The following KIRREL2 variants were observed in gnomAD, a reference collection of about 807,000 sequenced individuals.
The protein encoded by KIRREL2 is kin of IRRE-like protein 2.
Under a neutral mutation model 73.4 loss-of-function variants are expected in KIRREL2, and 56 were observed. The observed-to-expected ratio is 0.76, with a 90% confidence interval of 0.62 to 0.95. The LOEUF (loss-of-function observed/expected upper bound fraction) is 0.95. Ranked by LOEUF, KIRREL2 falls within the 40% of genes least tolerant of loss-of-function variation. The pLI is 0.00. For missense variants in KIRREL2, 896 were observed against 935.0 expected (o/e 0.96, Z 0.54); for synonymous variants, 407 against 404.0 (o/e 1.01, Z -0.09).
chr19:35,859,201 C>T (rs1973557554), intron 4 of KIRREL2, among the ~76,000 whole-genome samples: 1 of 152,172 alleles, frequency 6.6e-6, no homozygotes, highest in African/African-American at 2.4e-5. Context: ...AGAAGAGTGA[C>T]CAATACATAG....
chr19:35,859,009 G>A (rs1216271143), intron 4 of KIRREL2, 145 bp downstream of exon 4: 2 of 917,816 alleles, frequency 2.2e-6, no homozygotes, highest in Non-Finnish European at 3.3e-6. Context: ...GCAGGGTAAA[G>A]ATTCTAGGGC....
In KIRREL2 at chr19:35,866,743, G is replaced by A; in HGVS notation, c.*251G>A. 2 of 585,372 alleles carry A rather than the reference G, an allele frequency of 3.4e-6. No homozygotes were observed. The highest frequency in any genetic ancestry group is 2.3e-5 in the South Asian group (1 of 44,294). 36.3% of individuals were successfully genotyped at this position (585,372 alleles called of 1,614,324 possible). A position where few individuals can be genotyped will look rare whatever the true frequency, so the allele number is the denominator to read the frequency against. ...GTGTAAAAGAGATTCAAGATGGCAGGTAGGCCCTTTGAGGAGAGATGGGGA... is the reference window on the plus strand; with the variant it reads ...GTGTAAAAGAGATTCAAGATGGCAGATAGGCCCTTTGAGGAGAGATGGGGA... On this transcript the variant is annotated 3_prime_UTR_variant, in exon 15 of 15. Coordinates refer to ENST00000360202, the MANE Select transcript of KIRREL2 (RefSeq NM_199180.4).
At chr19:35,864,500 T>A in intron 13 of KIRREL2, 148 bp from the exon 14 acceptor site, 1 of 591,600 alleles carries the variant, frequency 1.7e-6, no homozygotes, top group East Asian at 3.0e-5. Flanking sequence ...CTTACAGCCC[T>A]TTTATTGTCC....
chr19:35,860,043 G>A (rs1358531527), intron 5 of KIRREL2, among the ~76,000 whole-genome samples: 1 of 152,202 alleles, frequency 6.6e-6, no homozygotes, highest in Non-Finnish European at 1.5e-5. Flanking sequence ...GGAGAGGACA[G>A]ACAGCTGGGG....
In KIRREL2 at chr19:35,866,548, G is replaced by A; in HGVS notation, c.*56G>A. ...CCAACTTGCCATAATGGATTGTTCT[G>A]ATTTCTGAGGAGCCAGGACAAGTTG... On this transcript the variant is annotated 3_prime_UTR_variant, in exon 15 of 15. Transcript: ENST00000360202. The A allele has an allele frequency of 6.2e-7, 1 of 1,609,544 alleles. No individual in the cohort carries two copies. The highest frequency in any genetic ancestry group is 1.1e-5 in the South Asian group (1 of 90,384).
upstream of KIRREL2, among the ~76,000 whole-genome samples, chr19:35,854,241 C>G (rs1301680465): frequency 6.6e-6 from 1 of 152,188 alleles, no homozygotes; most frequent in Non-Finnish European, 1.5e-5. Context: ...ATCCTCCCAT[C>G]TCGGCCTCCC....
At chr19:35,861,748 CT>C in intron 10 of KIRREL2, 56 bp from the exon 11 acceptor site, 1 of 1,587,630 alleles carries the variant, frequency 6.3e-7, no homozygotes. Flanking sequence ...GACATCCCTC[CT>C]GCTTCTTCCT....
chr19:35,856,785 A>C, upstream of KIRREL2: 1 of 379,540 alleles, frequency 2.6e-6, no homozygotes. The surrounding 1 kb of genome is among the most constrained non-coding windows in gnomAD (Gnocchi z 5.9). Context: ...CCGCCGGGGG[A>C]TCCCGCCCTG....
At chr19:35,861,451 G>A in intron 9 of KIRREL2, 90 bp from the exon 10 acceptor site, 2 of 1,474,238 alleles carry the variant, frequency 1.4e-6, no homozygotes. Flanking sequence ...ATTGAGGTTA[G>A]CGGAGAGTGC....
chr19:35,858,515 C>T lies in KIRREL2; in HGVS notation c.319C>T (p.Gln107Ter). Reference sequence around the variant, plus strand: ...AGCATCATATGAATGTCAGGCTACACAAGCAGGCCTCCGCTCCAGACCAGC... The same window carrying T: ...AGCATCATATGAATGTCAGGCTACATAAGCAGGCCTCCGCTCCAGACCAGC... ...DEASYECQATQAGLRSRPAQL... is the reference protein window; with the variant it reads ...DEASYECQAT Residue 107 changes from glutamine to a stop codon, truncating the protein, a stop_gained, in exon 3 of 15, where the codon CAA (glutamine) becomes TAA (stop). Coordinates refer to ENST00000360202, the MANE Select transcript of KIRREL2 (RefSeq NM_199180.4). LOFTEE classifies it high-confidence loss of function. 6.2e-7 allele frequency: 1 copy of T among 1,614,202 alleles called. No individual in the cohort carries two copies. The highest frequency in any genetic ancestry group is 8.5e-7 in the Non-Finnish European group (1 of 1,180,034).
chr19:35,860,239 G>A, intron 5 of KIRREL2, 58 bp from the exon 6 acceptor site: 1 of 1,413,162 alleles, frequency 7.1e-7, no homozygotes, highest in South Asian at 1.2e-5. Flanking sequence ...GGACACCTAG[G>A]CCAGTGACGG....
chr19:35,858,129 CT>C (rs1461249328), intron 2 of KIRREL2, among the ~76,000 whole-genome samples: 3 of 152,144 alleles, frequency 2.0e-5, no homozygotes, highest in Non-Finnish European at 4.4e-5. Flanking sequence ...TTCCTTTCCC[CT>C]ATCATAGCCC....
At chr19:35,855,155 C>T (rs749303139), upstream of KIRREL2, among the ~76,000 whole-genome samples, 6 of 152,078 alleles carry the variant, frequency 3.9e-5, no homozygotes, top group Admixed American at 1.3e-4. Flanking sequence ...CCTCCTCCCA[C>T]CTCCCCTCTC....
Position 35,862,591 on chromosome 19 carries a change from A to T in KIRREL2, c.1609A>T (p.Ser537Cys), listed in dbSNP as rs1973753439. 6.2e-7 allele frequency: 1 copy of T among 1,605,212 alleles called. No homozygotes were observed. Among genetic ancestry groups the T allele is most frequent in the Admixed American group, 1.7e-5 (1 of 59,996 alleles). ...GGTGGCCCTCTGCTGCTGGCGCCAC[A>T]GCAAGGGTTAGTGCCTGAGCCCCGC... ...TGVALCCWRHSKASASFSEQK... is the reference protein window; with the variant it reads ...TGVALCCWRHCKASASFSEQK... Residue 537 changes from serine to cysteine, a missense_variant, in exon 12 of 15, where the codon AGC becomes TGC. Transcript: ENST00000360202.
upstream of KIRREL2, among the ~76,000 whole-genome samples, chr19:35,854,616 C>A (rs905674283): frequency 7.9e-5 from 12 of 152,218 alleles, no homozygotes; most frequent in African/African-American, 2.7e-4. Flanking sequence ...AGTCATTGTG[C>A]CCAGCTGATT....
chr19:35,859,671 C>T, intron 5 of KIRREL2, 40 bp downstream of exon 5: 1 of 1,607,654 alleles, frequency 6.2e-7, no homozygotes, highest in South Asian at 1.1e-5. Flanking sequence ...GTGTGGGGCC[C>T]TGACTCCTGG....
At chr19:35,851,640 GA>G (rs1321939270), upstream of KIRREL2, 1 of 1,613,732 alleles carries the variant, frequency 6.2e-7, no homozygotes, top group African/African-American at 1.3e-5. Context: ...AAGCCCCGGG[GA>G]ACGGAGGCAG....
Position 35,862,018 on chromosome 19 carries a change from C to A in KIRREL2, c.1504C>A (p.Arg502Ser). 2 of 1,606,866 alleles carry A rather than the reference C, an allele frequency of 1.2e-6. No individual in the cohort carries two copies. The highest frequency in any genetic ancestry group is 8.5e-7 in the Non-Finnish European group (1 of 1,177,100). Residue 502 changes from arginine (R) to serine (S), a missense_variant, in exon 11 of 15, where the codon CGT (arginine) becomes AGT (serine). By Grantham distance (110) the Arg-to-Ser change is moderately radical. Coordinates refer to ENST00000360202, the MANE Select transcript of KIRREL2 (RefSeq NM_199180.4). ...GEGGAQASLG[R>S]RDLLPTVRIV... Reference sequence around the variant, plus strand: ...GGGAGGTGCCCAGGCCAGCCTGGGCCGTAGAGGTGAGACCCCAGCCCGAAG... The same window carrying A: ...GGGAGGTGCCCAGGCCAGCCTGGGCAGTAGAGGTGAGACCCCAGCCCGAAG...
Position 35,858,420 on chromosome 19 carries a change from A to G in KIRREL2, c.224A>G (p.Tyr75Cys). The G allele has an allele frequency of 6.2e-7, 1 of 1,614,026 alleles. No homozygotes were observed. The highest frequency in any genetic ancestry group is 8.5e-7 in the Non-Finnish European group (1 of 1,179,930). The change falls in exon 3 of 15, where the codon TAC (tyrosine) becomes TGC (cysteine). Residue 75 changes from tyrosine to cysteine, a missense_variant. Tyr to Cys is a radical substitution (Grantham distance 194). Transcript: ENST00000360202. The stretch of plus-strand genomic sequence containing the variant: ...TCCCTGACTCCAGGGTGGTCCCGGT[A>G]CTGGATATCAGGGAATGCAGCCAAT... ...GQRDLPGWSRYWISGNAANGQ... is the reference protein window; with the variant it reads ...GQRDLPGWSRCWISGNAANGQ...
Sources: gnomAD v4.1 joint callset for allele counts (sites outside exome capture counted in the v4.1 genomes callset) on GRCh38, gnomAD v4.1.1 for gene constraint, Gnocchi (gnomAD v3.1) non-coding constraint, MANE v1.5 for transcripts, NCBI Gene and HGNC (gene_info 2026-07-23, HGNC 2026-07-21) for gene names.